Variants in LIPG observed in about 807,000 individuals in gnomAD.
The protein encoded by LIPG is endothelial lipase.
LIPG carries 34 observed loss-of-function variants against 51.8 expected under a neutral mutation model. The ratio of observed to expected loss-of-function variants is 0.66; its 90% confidence interval spans 0.50 to 0.87. The LOEUF (loss-of-function observed/expected upper bound fraction) is 0.87, where lower values mean the gene tolerates loss of function less well. LIPG is among the 40% of genes least tolerant of loss of function. LIPG has a pLI of 0.00. For missense variants in LIPG, 580 were observed against 652.7 expected (o/e 0.89, Z 1.21); for synonymous variants, 246 against 246.1 (o/e 1.00, Z 0.00).
intron 4 of LIPG, 23 bp downstream of exon 4, chr18:49,569,571 A>C: frequency 6.4e-7 from 1 of 1,570,214 alleles, no homozygotes; most frequent in Admixed American, 1.7e-5. Flanking sequence ...TCCATCACTA[A>C]AGGGCTCCCT....
At chr18:49,577,591 CG>C (rs1261672802) in intron 5 of LIPG, among the ~76,000 whole-genome samples, 1 of 148,320 alleles carries the variant, frequency 6.7e-6, no homozygotes, top group East Asian at 2.0e-4. Context: ...CCAGTAGGGG[CG>C]GCCGGGCAGA....
At position 49,590,230 on chromosome 18, in the gene LIPG, T is replaced by G. The variant is rs1600572587; in HGVS notation, c.1482-271T>G. 5.4e-6 allele frequency: 3 copies of G among 555,930 alleles called. No individual in the cohort carries two copies. In the East Asian group the frequency reaches 9.9e-5, roughly 18 times the overall value. The allele number at this position is 555,930 out of a possible 1,614,324, so 34.4% of individuals were successfully genotyped here. On this transcript the variant is annotated intron_variant, in intron 9 of 9. Transcript: ENST00000261292. ...GTGTATGTTGTGGGTGGATAATATG[T>G]AAATGCAAGAACTGTGATGTACTCA...
chr18:49,569,322 GTGCCCAC>G, intron 3 of LIPG, 108 bp from the exon 4 acceptor site: 1 of 856,140 alleles, frequency 1.2e-6, no homozygotes, highest in South Asian at 1.4e-5. Flanking sequence ...GGGAGTCTCT[GTGCCCAC>G]GGCCCCTGCA....
chr18:49,587,567 T>TG (rs1352298215), intron 9 of LIPG, among the ~76,000 whole-genome samples: 1 of 11,774 alleles, frequency 8.5e-5, no homozygotes, highest in African/African-American at 6.7e-4. Flanking sequence ...AGACTCCGTC[T>TG]CAAAAAAAAA....
At chr18:49,565,578 G>A in intron 2 of LIPG, 80 bp downstream of exon 2, 3 of 1,506,614 alleles carry the variant, frequency 2.0e-6, no homozygotes, top group South Asian at 1.1e-5. Context: ...GAATTCTGGT[G>A]TTTCCAGATT....
rs2084931018 is a variant in LIPG, at chr18:49,590,528, C to T, written c.*6C>T. Reference sequence around the variant, plus strand: ...CCACTGTGGAGCTTCCCTGAGGGTGCCCGGGCAAGTCTTGCCAGCAAGGCA... The same window carrying T: ...CCACTGTGGAGCTTCCCTGAGGGTGTCCGGGCAAGTCTTGCCAGCAAGGCA... On this transcript the variant is annotated 3_prime_UTR_variant, in exon 10 of 10. Coordinates refer to ENST00000261292, the MANE Select transcript of LIPG (RefSeq NM_006033.4). 5 of 1,599,144 alleles carry T rather than the reference C, an allele frequency of 3.1e-6. No individual in the cohort carries two copies. The highest frequency in any genetic ancestry group is 4.3e-6 in the Non-Finnish European group (5 of 1,171,382).
rs755669110 is a variant in LIPG, at chr18:49,567,630, G to T, written c.459+9G>T. On this transcript the variant is annotated intron_variant, in intron 3 of 9. Coordinates refer to ENST00000261292, the MANE Select transcript of LIPG (RefSeq NM_006033.4). ...TGCTCGACTGGCTGCAGGTACTGGG[G>T]GATGAGAGGGAGTCTCCTGTCACCA... 2 of 1,613,394 alleles carry T rather than the reference G, an allele frequency of 1.2e-6. No homozygotes were observed. The highest frequency in any genetic ancestry group is 1.3e-5 in the African/African-American group (1 of 75,018).
intron 3 of LIPG, 36 bp downstream of exon 3, chr18:49,567,657 C>G: frequency 6.2e-7 from 1 of 1,606,260 alleles, no homozygotes; most frequent in Non-Finnish European, 8.5e-7. Flanking sequence ...CTGTCACCAG[C>G]AGGATCTCAA....
rs1437310498 is a variant in LIPG at position 49,595,747 on chromosome 18, G to GA, written c.*5227dup. ...GGAGGCTGAGGCAGAAGAATCGCTC[G>GA]AACCTGGGAGATGGAGTTTGCAGTG... On this transcript the variant is annotated 3_prime_UTR_variant, in exon 10 of 10. Coordinates refer to ENST00000261292, the MANE Select transcript of LIPG (RefSeq NM_006033.4). 12 of 152,334 alleles carry GA rather than the reference G, an allele frequency of 7.9e-5. No individual in the cohort carries two copies. Among genetic ancestry groups the GA allele is most frequent in the African/African-American group, 2.9e-4 (12 of 41,562 alleles). 9.4% of individuals were successfully genotyped at this position (152,334 alleles called of 1,614,324 possible).
intron 9 of LIPG, among the ~76,000 whole-genome samples, chr18:49,587,398 ATC>A (rs147325681): frequency 0.013 from 1,978 of 151,548 alleles, 22 homozygotes; most frequent in Non-Finnish European, 0.02. Context: ...GTGAAACCTC[ATC>A]TCTCTAAAAA....
At chr18:49,570,133 A>T (rs1371651664) in intron 4 of LIPG, among the ~76,000 whole-genome samples, 1 of 152,210 alleles carries the variant, frequency 6.6e-6, no homozygotes, top group Non-Finnish European at 1.5e-5. Context: ...TTAAGGTAGC[A>T]TATTTATGAA....
At chr18:49,561,573 G>A, upstream of LIPG, 3 of 796,082 alleles carry the variant, frequency 3.8e-6, no homozygotes, top group Non-Finnish European at 5.1e-6. Flanking sequence ...CGGGAAGGGA[G>A]GGAGAAGAGG....
Position 49,590,592 on chromosome 18 carries a change from A to G in LIPG, c.*70A>G. ...CTATCCAAGCCCATGGAGGAAAGTT[A>G]CTGCTGAGGACCCACCCAATGGAAG... On this transcript the variant is annotated 3_prime_UTR_variant, in exon 10 of 10. Coordinates refer to ENST00000261292, the MANE Select transcript of LIPG (RefSeq NM_006033.4). 1 of 1,444,224 alleles carries G rather than the reference A, an allele frequency of 6.9e-7. No individual in the cohort carries two copies. Among genetic ancestry groups the G allele is most frequent in the Non-Finnish European group, 9.6e-7 (1 of 1,046,508 alleles). 89.5% of individuals were successfully genotyped at this position (1,444,224 alleles called of 1,614,324 possible).
intron 3 of LIPG, 132 bp downstream of exon 3, chr18:49,567,753 TATTGA>T (rs2084622523): frequency 3.5e-6 from 3 of 867,050 alleles, no homozygotes; most frequent in Middle Eastern, 3.6e-4. Flanking sequence ...TTAAAAGTTT[TATTGA>T]ATTAAGTATT....
chr18:49,574,309 A>G (rs2084692741), intron 4 of LIPG, among the ~76,000 whole-genome samples: 1 of 152,166 alleles, frequency 6.6e-6, no homozygotes, highest in African/African-American at 2.4e-5. Flanking sequence ...ATAAATGATA[A>G]TGAAACACAG....
chr18:49,562,455 C>G (rs1454463738), intron 1 of LIPG, 50 bp downstream of exon 1: 2 of 1,492,726 alleles, frequency 1.3e-6, no homozygotes, highest in Non-Finnish European at 1.9e-6. Flanking sequence ...TGTGCTGGGT[C>G]CCCTCTGTCT....
At chr18:49,579,808 C>CTTTTCTTTTCTTTTCTTTTCTT (rs2084798545) in intron 5 of LIPG, among the ~76,000 whole-genome samples, 1 of 112,364 alleles carries the variant, frequency 8.9e-6, no homozygotes, top group Non-Finnish European at 2.0e-5. Flanking sequence ...CTTTTCTTTT[C>CTTTTCTTTTCTTTTCTTTTCTT]TTTTCTTTTC....
Position 49,583,774 on chromosome 18 carries a change from A to G in LIPG, c.1376A>G (p.Lys459Arg). Residue 459 changes from lysine (K) to arginine (R), a missense_variant and splice_region_variant, in exon 8 of 10, where the codon AAA (lysine) becomes AGA (arginine). Coordinates refer to ENST00000261292, the MANE Select transcript of LIPG (RefSeq NM_006033.4). ...IRVKSGETQRKLTFCTEDPEN... is the reference protein window; with the variant it reads ...IRVKSGETQRRLTFCTEDPEN... ...GTGAAGTCTGGGGAAACCCAGCGGA[A>G]GTAAGTGCCTCCTGCTCCTTCTTCT... 1 of 1,609,622 alleles carries G rather than the reference A, an allele frequency of 6.2e-7. No individual in the cohort carries two copies. The highest frequency in any genetic ancestry group is 1.1e-5 in the South Asian group (1 of 90,526).
chr18:49,598,211 T>C lies in LIPG; in HGVS notation c.*7689T>C, dbSNP rs114814405. 0.012 allele frequency: 1,830 copies of C among 152,332 alleles called. 39 individuals are homozygous for C. Among genetic ancestry groups the C allele is most frequent in the African/African-American group, 0.042 (1,725 of 41,558 alleles). The allele number at this position is 152,332 out of a possible 1,614,324, so 9.4% of individuals were successfully genotyped here. On this transcript the variant is annotated 3_prime_UTR_variant, in exon 10 of 10. Coordinates refer to ENST00000261292, the MANE Select transcript of LIPG (RefSeq NM_006033.4). ...TCTCTCTCTCTTTTTTAATTTTTTT[T>C]GGAGACACGGTATCACTGTGTGGCC...
Sources: gnomAD v4.1 joint callset for allele counts (sites outside exome capture counted in the v4.1 genomes callset) on GRCh38, gnomAD v4.1.1 for gene constraint, MANE v1.5 for transcripts, NCBI Gene and HGNC (gene_info 2026-07-23, HGNC 2026-07-21) for gene names.